The following BCAS3 variants were observed in gnomAD, a reference collection of about 807,000 sequenced individuals.
BCAS3 encodes BCAS4/BCAS3 fusion.
In BCAS3, 53 loss-of-function variants were observed where a neutral mutation model predicts 116.1. The ratio of observed to expected loss-of-function variants is 0.46; its 90% CI spans 0.37 to 0.57. The LOEUF (loss-of-function observed/expected upper bound fraction) is 0.57, where lower values mean the gene tolerates loss of function less well. Among genes scored for constraint, BCAS3 ranks in the 20% least tolerant of loss-of-function variants. The pLI, the probability that BCAS3 is intolerant of heterozygous loss-of-function variation, is 0.00. For synonymous variants in BCAS3, 391 were observed against 408.2 expected, an observed-to-expected ratio of 0.96 and a Z score of 0.51; for missense variants, 917 against 1,165.4, an observed-to-expected ratio of 0.79 and a Z score of 3.10.
At chr17:60,943,020 T>G (rs1249737091) in intron 13 of BCAS3, among the ~76,000 whole-genome samples, 3 of 152,170 alleles carry the variant, frequency 2.0e-5, no homozygotes, top group Non-Finnish European at 4.4e-5. Flanking sequence ...ATAAATTATT[T>G]ATTTTTAACA....
chr17:60,799,789 C>T (rs1012958458), intron 6 of BCAS3, among the ~76,000 whole-genome samples: 5 of 130,200 alleles, frequency 3.8e-5, no homozygotes, highest in Admixed American at 1.7e-4. Context: ...TTCCTGACCT[C>T]AAATGATCTG....
At chr17:61,112,722 C>G (rs2075171213) in intron 22 of BCAS3, among the ~76,000 whole-genome samples, 1 of 149,852 alleles carries the variant, frequency 6.7e-6, no homozygotes, top group Admixed American at 6.6e-5. Flanking sequence ...GAACTCAGCT[C>G]TGCACCAAGC....
chr17:60,983,788 T>G (rs1019475307), intron 14 of BCAS3, among the ~76,000 whole-genome samples: 1 of 152,212 alleles, frequency 6.6e-6, no homozygotes, highest in African/African-American at 2.4e-5. Context: ...ATGATAAATC[T>G]AAGGATGCCT....
intron 22 of BCAS3, among the ~76,000 whole-genome samples, chr17:61,246,827 G>GTGTGTGTGTGTGTA (rs1217444834): frequency 1.3e-5 from 2 of 149,796 alleles, no homozygotes; most frequent in African/African-American, 5.0e-5. Flanking sequence ...GTGTGTGTGT[G>GTGTGTGTGTGTGTA]TGTATGTGTG....
intron 22 of BCAS3, among the ~76,000 whole-genome samples, chr17:61,350,976 T>C (rs2057805655): frequency 6.6e-6 from 1 of 152,138 alleles, no homozygotes; most frequent in South Asian, 2.1e-4. Context: ...TTGCCACAAC[T>C]TGGAGTTATT....
intron 22 of BCAS3, among the ~76,000 whole-genome samples, chr17:61,320,858 G>A (rs759418605): frequency 5.9e-5 from 9 of 152,040 alleles, no homozygotes; most frequent in South Asian, 4.2e-4. Flanking sequence ...CAGTCTGCCC[G>A]AAACACATGT....
At chr17:61,167,541 A>T (rs1229781410) in intron 22 of BCAS3, among the ~76,000 whole-genome samples, 2 of 152,226 alleles carry the variant, frequency 1.3e-5, no homozygotes, top group Admixed American at 1.3e-4. Flanking sequence ...AATCTAGCAG[A>T]TGTCTGTGAA....
At chr17:60,829,493 C>CA (rs538508139) in intron 7 of BCAS3, among the ~76,000 whole-genome samples, 4,560 of 124,488 alleles carry the variant, frequency 0.037, 173 homozygotes, top group East Asian at 0.11. Context: ...GACTGTGTCT[C>CA]AAAAAAAAAA....
intron 9 of BCAS3, 124 bp downstream of exon 9, chr17:60,874,862 G>T: frequency 3.6e-6 from 2 of 557,420 alleles, no homozygotes. Flanking sequence ...TGATTTTCTT[G>T]TGATTCTGTG....
chr17:60,757,046 G>A (rs10853021), intron 6 of BCAS3, among the ~76,000 whole-genome samples: 1 of 151,714 alleles, frequency 6.6e-6, no homozygotes, highest in African/African-American at 2.4e-5. Flanking sequence ...GCCTGTAGTC[G>A]CAGCTACTCG....
intron 22 of BCAS3, among the ~76,000 whole-genome samples, chr17:61,322,570 C>A (rs193092202): frequency 3.3e-4 from 50 of 152,324 alleles, no homozygotes; most frequent in Admixed American, 6.5e-4. Flanking sequence ...TCCCTCCCAC[C>A]CCTCTTTCCT....
intron 21 of BCAS3, among the ~76,000 whole-genome samples, chr17:61,079,882 A>AT (rs745702399): frequency 0.061 from 4,001 of 65,920 alleles, 565 homozygotes; most frequent in Non-Finnish European, 0.077. Flanking sequence ...AGGCATGAGT[A>AT]TTTTTTTTTT....
intron 14 of BCAS3, among the ~76,000 whole-genome samples, chr17:60,951,809 G>A (rs935595232): frequency 8.2e-6 from 1 of 122,374 alleles, no homozygotes. Context: ...AGTCTCTATC[G>A]CTCAGGCTGG....
At chr17:61,015,711 C>A (rs2065408717) in intron 15 of BCAS3, 40 bp from the exon 16 acceptor site, 2 of 1,605,432 alleles carry the variant, frequency 1.2e-6, no homozygotes, top group Non-Finnish European at 1.7e-6. Context: ...AGATAGAGAA[C>A]CTTCCTCAGT....
chr17:61,342,472 T>C (rs2057230688), intron 22 of BCAS3, among the ~76,000 whole-genome samples: 1 of 152,032 alleles, frequency 6.6e-6, no homozygotes. Context: ...AGAACGCCAT[T>C]CCCTTCTTGA....
In BCAS3 at chr17:61,012,454, C is replaced by T. The variant is rs886465718; in HGVS notation, c.1487-3297C>T. Among the ~76,000 whole-genome samples the T allele has an allele frequency of 1.3e-5, 2 of 152,032 alleles. No homozygotes were observed. The highest frequency in any genetic ancestry group is 2.4e-5 in the African/African-American group (1 of 41,426). On this transcript the variant is annotated intron_variant, in intron 15 of 23. Coordinates refer to ENST00000407086, the MANE Select transcript of BCAS3 (RefSeq NM_017679.5). The surrounding 1 kb of genome is among the most constrained non-coding windows in gnomAD (Gnocchi z 4.5). Reference sequence around the variant, plus strand: ...TTTCCACCTCACTGCTGAAACTACCCTACTGAAGACTATTAGAGTTAGCTT... The same window carrying T: ...TTTCCACCTCACTGCTGAAACTACCTTACTGAAGACTATTAGAGTTAGCTT...
Position 61,325,061 on chromosome 17 carries a change from T to C in BCAS3, c.2426-43266T>C, listed in dbSNP as rs1344006871. On this transcript the variant is annotated intron_variant, in intron 22 of 23. Coordinates refer to ENST00000407086, the MANE Select transcript of BCAS3 (RefSeq NM_017679.5). This position sits in a 1 kb window ranked among gnomAD's most constrained non-coding sequence, Gnocchi z 6.4. ...TTAAAACCATTTCCACTAGAGGCCA[T>C]CCCACCATGCACAGTTAGCCTGGGC... is the stretch of plus-strand genomic sequence containing the variant. Among the ~76,000 whole-genome samples the C allele has an allele frequency of 1.3e-5, 2 of 152,262 alleles. No individual in the cohort carries two copies. The highest frequency in any genetic ancestry group is 1.9e-4 in the East Asian group (1 of 5,186).
chr17:61,035,469 G>C (rs924351776), intron 17 of BCAS3, among the ~76,000 whole-genome samples: 1 of 151,326 alleles, frequency 6.6e-6, no homozygotes, highest in Non-Finnish European at 1.5e-5. Context: ...TGTAATCCCA[G>C]CTACTTGGGA....
intron 22 of BCAS3, among the ~76,000 whole-genome samples, chr17:61,207,055 A>G (rs904378940): frequency 6.6e-6 from 1 of 152,128 alleles, no homozygotes; most frequent in Non-Finnish European, 1.5e-5. Context: ...TTATTTGAAG[A>G]TGCAATATTA....
Sources: allele counts gnomAD v4.1 joint callset (sites outside exome capture counted in the v4.1 genomes callset), GRCh38; gene constraint gnomAD v4.1.1; non-coding constraint Gnocchi (gnomAD v3.1); transcripts MANE v1.5; gene names NCBI Gene and HGNC (gene_info 2026-07-23, HGNC 2026-07-21).